The following NTN1 variants were observed in gnomAD, a reference collection of about 807,000 sequenced individuals.
NTN1 encodes netrin 1, also known as netrin-1.
NTN1 carries 11 observed loss-of-function variants against 54.2 expected under a neutral mutation model. The observed-to-expected ratio is 0.20, with a 90% CI of 0.13 to 0.34. NTN1 has a LOEUF of 0.34. Ranked by LOEUF, NTN1 falls within the 10% of genes least tolerant of loss-of-function variation. The pLI, the probability that NTN1 is intolerant of heterozygous loss-of-function variation, is 1.00. For synonymous variants in NTN1, 371 were observed against 382.0 expected, an observed-to-expected ratio of 0.97 and a Z score of 0.33; for missense variants, 740 against 893.1, an observed-to-expected ratio of 0.83 and a Z score of 2.18.
At chr17:9,228,863 A>T (rs1427072410) in intron 6 of NTN1, among the ~76,000 whole-genome samples, 186 of 52,696 alleles carry the variant, frequency 3.5e-3, no homozygotes, top group African/African-American at 0.015. Context: ...ACTGTGTATG[A>T]GAGTGTGTCT....
chr17:9,074,747 CAGATTTGACACCCAAGGGT>C (rs1385204943), intron 2 of NTN1, among the ~76,000 whole-genome samples: 1 of 152,210 alleles, frequency 6.6e-6, no homozygotes, highest in East Asian at 1.9e-4. Context: ...GCCTGTTCAC[CAGATTTGACACCCAAGGGT>C]TGAGGCTGGA....
chr17:9,065,166 A>C (rs2142210760), intron 2 of NTN1, among the ~76,000 whole-genome samples: 1 of 152,182 alleles, frequency 6.6e-6, no homozygotes, highest in Admixed American at 6.5e-5. Flanking sequence ...CGAACTCCTG[A>C]CCTCAGGTGA....
intron 2 of NTN1, among the ~76,000 whole-genome samples, chr17:9,127,074 G>GC (rs1555570072): frequency 4.0e-5 from 6 of 149,828 alleles, no homozygotes; most frequent in African/African-American, 9.9e-5. Context: ...GTAGGGCCGG[G>GC]GGGGGGCAGG....
chr17:9,079,762 T>C (rs968128684), intron 2 of NTN1, among the ~76,000 whole-genome samples: 3 of 145,000 alleles, frequency 2.1e-5, no homozygotes, highest in African/African-American at 7.7e-5. Flanking sequence ...GTGGACCTGT[T>C]TCCTGGTTCC....
chr17:9,152,018 T>C (rs2092328963), intron 2 of NTN1, among the ~76,000 whole-genome samples: 1 of 151,998 alleles, frequency 6.6e-6, no homozygotes, highest in Non-Finnish European at 1.5e-5. Flanking sequence ...AAATGGAACA[T>C]GGGCAGGGAC....
chr17:9,182,871 C>T (rs758092722), intron 4 of NTN1, 45 bp from the exon 5 acceptor site: 2 of 1,599,800 alleles, frequency 1.3e-6, no homozygotes, highest in Middle Eastern at 1.7e-4. Context: ...GTCGTCTTAC[C>T]TTGTTTTCTC....
intron 5 of NTN1, among the ~76,000 whole-genome samples, chr17:9,217,854 CAAAAAA>C (rs11354107): frequency 1.1e-3 from 109 of 95,746 alleles, no homozygotes; most frequent in African/African-American, 4.4e-3. Context: ...GGAAAGACAC[CAAAAAA>C]AAAAAAAAAA....
At chr17:9,058,637 C>CAAAAAAAAAAAA (rs3053457) in intron 2 of NTN1, among the ~76,000 whole-genome samples, 518 of 58,872 alleles carry the variant, frequency 8.8e-3, no homozygotes, top group Non-Finnish European at 0.011. Flanking sequence ...GGTAGGCACT[C>CAAAAAAAAAAAA]AAAAAAAAAA....
chr17:9,060,283 TCTTC>T (rs2091992683), intron 2 of NTN1, among the ~76,000 whole-genome samples: 1 of 152,218 alleles, frequency 6.6e-6, no homozygotes, highest in Non-Finnish European at 1.5e-5. Flanking sequence ...ATATATTTTC[TCTTC>T]CTTATGGTTT....
chr17:9,139,891 TCATCCATTCATCCATCATC>T (rs372029099), intron 2 of NTN1, among the ~76,000 whole-genome samples: 3 of 150,916 alleles, frequency 2.0e-5, no homozygotes, highest in South Asian at 4.2e-4. Flanking sequence ...ATTTATTCAT[TCATCCATTCATCCATCATC>T]CATCCATTCA....
Position 9,046,650 on chromosome 17 carries a change from G to A in NTN1, c.1018+23259G>A, listed in dbSNP as rs117586598. ...AAAAAGATGAAAATTAGCTGGGCAC[G>A]GTGGTATGTGCTTGTAGTTTCAGCT... On this transcript the variant is annotated intron_variant, in intron 2 of 6. Coordinates refer to ENST00000173229, the MANE Select transcript of NTN1 (RefSeq NM_004822.3). Among the ~76,000 whole-genome samples, 61 of 152,188 alleles carry A rather than the reference G, an allele frequency of 4.0e-4. No individual in the cohort carries two copies. In the East Asian group the frequency reaches 0.01, roughly 25 times the overall value.
chr17:9,148,610 C>T (rs931100560), intron 2 of NTN1, among the ~76,000 whole-genome samples: 5 of 152,094 alleles, frequency 3.3e-5, no homozygotes, highest in Non-Finnish European at 7.3e-5. Flanking sequence ...ATTTGCTAAA[C>T]CTGGCAACCC....
rs746456321 is a variant in NTN1 at position 9,179,943 on chromosome 17, C to T, written c.1344C>T (p.Ile448=). The change falls in exon 4 of 7, where the codon ATC becomes ATT. Residue 448 remains isoleucine, a synonymous_variant. Coordinates refer to ENST00000173229, the MANE Select transcript of NTN1 (RefSeq NM_004822.3). ...AKGYQQSRSP[I]APCIKIPVAP... ...GCTACCAGCAGAGCCGCTCTCCCATCGCCCCCTGCATAAGTATGTGTGGGG... is the reference window on the plus strand; with the variant it reads ...GCTACCAGCAGAGCCGCTCTCCCATTGCCCCCTGCATAAGTATGTGTGGGG... 7.7e-5 allele frequency: 125 copies of T among 1,613,342 alleles called. No homozygotes were observed. Among genetic ancestry groups the T allele is most frequent in the South Asian group, 4.1e-4 (37 of 90,960 alleles).
intron 2 of NTN1, among the ~76,000 whole-genome samples, chr17:9,114,066 G>A (rs2092201162): frequency 6.7e-6 from 1 of 148,928 alleles, no homozygotes; most frequent in South Asian, 2.1e-4. Context: ...GGAGGCTGAG[G>A]CAGGAGAATT....
At chr17:9,010,691 C>T in the NTN1 span, among the ~76,000 whole-genome samples, 1 of 152,278 alleles carries the variant, frequency 6.6e-6, no homozygotes, top group Non-Finnish European at 1.5e-5. Context: ...AATTTATTCT[C>T]TCACAGTTCT....
chr17:9,060,627 A>G (rs1174572077), intron 2 of NTN1, among the ~76,000 whole-genome samples: 1 of 152,140 alleles, frequency 6.6e-6, no homozygotes, highest in Non-Finnish European at 1.5e-5. Context: ...AGCAAACAGC[A>G]CGGGGACTCA....
In NTN1 at chr17:9,242,999, A is replaced by G. The variant is rs1906274487; in HGVS notation, c.*3031A>G. The G allele has an allele frequency of 6.6e-6, 1 of 152,256 alleles. No homozygotes were observed. Among genetic ancestry groups the G allele is most frequent in the Non-Finnish European group, 1.5e-5 (1 of 68,048 alleles). The allele number at this position is 152,256 out of a possible 1,614,324, so 9.4% of individuals were successfully genotyped here. A position where few individuals can be genotyped will look rare whatever the true frequency, so the allele number is the denominator to read the frequency against. ...GCTATGTAGGTGTTTGTTTGAAGAA[A>G]AACATACCAGATTAGTCTTTGTTTT... On this transcript the variant is annotated 3_prime_UTR_variant, in exon 7 of 7. Coordinates refer to ENST00000173229, the MANE Select transcript of NTN1 (RefSeq NM_004822.3).
rs1052851898 is a variant in NTN1, at chr17:9,030,278, A to G, written c.1018+6887A>G. Among the ~76,000 whole-genome samples, 28 of 152,194 alleles carry G rather than the reference A, an allele frequency of 1.8e-4. 1 individual carries two copies. The highest frequency in any genetic ancestry group is 3.5e-4 in the Non-Finnish European group (24 of 68,042). On this transcript the variant is annotated intron_variant, in intron 2 of 6. Coordinates refer to ENST00000173229, the MANE Select transcript of NTN1 (RefSeq NM_004822.3). The stretch of plus-strand genomic sequence containing the variant: ...ACTCTCCGAGGAGAAAGGGGTACCT[A>G]TGGTTCAGGAGTACCGCCAAGGAAT...
chr17:9,015,177 G>A, the NTN1 span, among the ~76,000 whole-genome samples: 2 of 152,082 alleles, frequency 1.3e-5, no homozygotes, highest in African/African-American at 4.8e-5. Context: ...TTGGGAGGCC[G>A]AGGCAGGTGG....
Sources: gnomAD v4.1 joint callset for allele counts (sites outside exome capture counted in the v4.1 genomes callset) on GRCh38, gnomAD v4.1.1 for gene constraint, MANE v1.5 for transcripts, NCBI Gene and HGNC (gene_info 2026-07-23, HGNC 2026-07-21) for gene names.